The following TMEM192 variants were observed in gnomAD, a reference collection of about 807,000 sequenced individuals.
TMEM192 encodes the protein transmembrane protein 192.
TMEM192 carries 20 observed loss-of-function variants against 26.7 expected under a neutral mutation model. The ratio of observed to expected loss-of-function variants is 0.75; its 90% CI spans 0.53 to 1.09. The LOEUF (loss-of-function observed/expected upper bound fraction) is 1.09, where lower values mean the gene tolerates loss of function less well. Among genes scored for constraint, TMEM192 ranks in the 50% least tolerant of loss-of-function variants. The pLI, the probability that TMEM192 is intolerant of heterozygous loss-of-function variation, is 0.00. For missense variants in TMEM192, 304 were observed against 322.6 expected (o/e 0.94, Z 0.44); for synonymous variants, 124 against 121.0 (o/e 1.02, Z -0.16).
rs953010080 is a variant in TMEM192, at chr4:165,073,262, C to G, written c.*6396G>C. 1 of 152,340 alleles carries G rather than the reference C, an allele frequency of 6.6e-6. No individual in the cohort carries two copies. The highest frequency in any genetic ancestry group is 1.5e-5 in the Non-Finnish European group (1 of 68,210). 9.4% of individuals were successfully genotyped at this position (152,340 alleles called of 1,614,324 possible). On this transcript the variant is annotated 3_prime_UTR_variant, in exon 6 of 6. Transcript: ENST00000306480. ...GATGCTGTTAACCTATAACTTTAGC[C>G]CCAACCCTGTGCTCACAGAAACATG...
chr4:165,103,069 C>G lies in TMEM192; in HGVS notation c.55G>C (p.Glu19Gln). 1 of 1,612,512 alleles carries G rather than the reference C, an allele frequency of 6.2e-7. No homozygotes were observed. Among genetic ancestry groups the G allele is most frequent in the Non-Finnish European group, 8.5e-7 (1 of 1,179,352 alleles). The change falls in exon 2 of 6, where the codon GAA (glutamate) becomes CAA (glutamine). Residue 19 changes from glutamate to glutamine, a missense_variant. Transcript: ENST00000306480. ...TGGGCATCCAGAAGTGGGTCGTCTT[C>G]AATACTCTGGGTGATATCCAAGGAA... ...DGSLDITQSI[E>Q]DDPLLDAQLL...
rs1734401494 is a variant in TMEM192 at position 165,077,148 on chromosome 4, T to C, written c.*2510A>G. 1.3e-5 allele frequency: 2 copies of C among 152,238 alleles called. No individual in the cohort carries two copies. The highest frequency in any genetic ancestry group is 2.4e-5 in the African/African-American group (1 of 41,466). 9.4% of individuals were successfully genotyped at this position (152,238 alleles called of 1,614,324 possible). On this transcript the variant is annotated 3_prime_UTR_variant, in exon 6 of 6. Transcript: ENST00000306480. ...TTTCATTTTCATTTATTGTTTGAAA[T>C]GTTCATCATTGCATTCAGAAAAATG...
At chr4:165,110,405 C>T (rs1735266910) in intron 1 of TMEM192, among the ~76,000 whole-genome samples, 2 of 152,186 alleles carry the variant, frequency 1.3e-5, no homozygotes, top group African/African-American at 2.4e-5. Flanking sequence ...GTGAATCCAA[C>T]TCTTTCCATG....
At chr4:165,097,168 G>A (rs574915317) in intron 3 of TMEM192, among the ~76,000 whole-genome samples, 1 of 152,084 alleles carries the variant, frequency 6.6e-6, no homozygotes, top group Non-Finnish European at 1.5e-5. Context: ...GAATTTCACT[G>A]AGTAGATGAA....
At chr4:165,088,327 G>T in intron 4 of TMEM192, 141 bp downstream of exon 4, 1 of 672,648 alleles carries the variant, frequency 1.5e-6, no homozygotes, top group Non-Finnish European at 2.3e-6. Flanking sequence ...CTTCCTGTTG[G>T]TTTGAAATTA....
intron 3 of TMEM192, among the ~76,000 whole-genome samples, chr4:165,093,679 G>GT (rs1412980885): frequency 2.0e-5 from 3 of 152,088 alleles, no homozygotes; most frequent in African/African-American, 7.2e-5. Context: ...CTCCTTATCA[G>GT]TTTTGTGCTA....
intron 3 of TMEM192, among the ~76,000 whole-genome samples, chr4:165,097,666 G>A (rs11725200): frequency 0.014 from 2,097 of 148,128 alleles, 30 homozygotes; most frequent in African/African-American, 0.036. Context: ...CTAGGCTGGA[G>A]TGTGGTGCAT....
In TMEM192 at chr4:165,088,486, A is replaced by T; in HGVS notation, c.556T>A (p.Cys186Ser). 1 of 1,613,636 alleles carries T rather than the reference A, an allele frequency of 6.2e-7. No individual in the cohort carries two copies. The highest frequency in any genetic ancestry group is 1.1e-5 in the South Asian group (1 of 90,936). The change falls in exon 4 of 6, where the codon TGT becomes AGT. Residue 186 changes from cysteine (C) to serine (S), a missense_variant. Cys to Ser is a moderately radical substitution (Grantham distance 112). Coordinates refer to ENST00000306480, the MANE Select transcript of TMEM192 (RefSeq NM_001100389.2). ...TTCTCACCTGTGTAAATGAGGAGAC[A>T]TATCAGGGAACAGATGAGTTCCAGT... ...LALELICSLI[C>S]LLIYTVKIRR...
chr4:165,085,788 G>A (rs1734600638), intron 4 of TMEM192, 100 bp from the exon 5 acceptor site: 1 of 825,818 alleles, frequency 1.2e-6, no homozygotes, highest in African/African-American at 1.7e-5. Flanking sequence ...ACGTCCTTGA[G>A]TATTTCAAAT....
chr4:165,085,767 C>A, intron 4 of TMEM192, 79 bp from the exon 5 acceptor site: 1 of 1,064,726 alleles, frequency 9.4e-7, no homozygotes, highest in South Asian at 1.4e-5. Flanking sequence ...GCTAATTTGC[C>A]GTTCTTATTA....
chr4:165,098,440 TAAAA>T (rs1734965588), intron 3 of TMEM192, among the ~76,000 whole-genome samples: 1 of 151,034 alleles, frequency 6.6e-6, no homozygotes. Flanking sequence ...TTTTTTTTTT[TAAAA>T]CTTAACTTGG....
In TMEM192 at chr4:165,088,547, G is replaced by T. The variant is rs1259289878; in HGVS notation, c.495C>A (p.Gly165=). The part of the protein sequence containing the change: ...LCMQHSFPEP[G]RLYLDLILAI... The stretch of plus-strand genomic sequence containing the variant: ...CCAGAATGAGGTCAAGATACAATCT[G>T]CCAGGCTCTGGGAAGGAGTGCTGCA... The change falls in exon 4 of 6, where the codon GGC becomes GGA. Residue 165 remains glycine, a synonymous_variant. Transcript: ENST00000306480. 35 of 1,613,406 alleles carry T rather than the reference G, an allele frequency of 2.2e-5. No individual in the cohort carries two copies. The highest frequency in any genetic ancestry group is 2.8e-5 in the Non-Finnish European group (33 of 1,179,766).
chr4:165,096,006 A>G (rs1443939281), intron 3 of TMEM192, among the ~76,000 whole-genome samples: 1 of 147,870 alleles, frequency 6.8e-6, no homozygotes, highest in Non-Finnish European at 1.5e-5. Flanking sequence ...CATGTTGGCC[A>G]GGCCTGTCTT....
At chr4:165,104,311 G>A (rs1033768481) in intron 1 of TMEM192, among the ~76,000 whole-genome samples, 3 of 152,128 alleles carry the variant, frequency 2.0e-5, no homozygotes, top group Non-Finnish European at 4.4e-5. Context: ...ACTACAATGA[G>A]ACAGAAATGA....
At chr4:165,108,838 G>A (rs761782690) in intron 1 of TMEM192, among the ~76,000 whole-genome samples, 6 of 152,030 alleles carry the variant, frequency 3.9e-5, no homozygotes, top group Admixed American at 6.6e-5. Flanking sequence ...CAGTTACCTC[G>A]ATCTCCTAGA....
chr4:165,085,632 TTTC>T lies in TMEM192; in HGVS notation c.628_630del (p.Glu210del), dbSNP rs747653581. On this transcript the variant is annotated inframe_deletion, in exon 5 of 6. Coordinates refer to ENST00000306480, the MANE Select transcript of TMEM192 (RefSeq NM_001100389.2). ...ATATTGCTGGGGTAAGCATAGATTT[TTTC>T]TTCTTCAAGTATATCAGGCTCTGGT... The T allele has an allele frequency of 6.2e-7, 1 of 1,613,144 alleles. No individual in the cohort carries two copies. The highest frequency in any genetic ancestry group is 1.7e-5 in the Admixed American group (1 of 59,906).
intron 1 of TMEM192, among the ~76,000 whole-genome samples, chr4:165,111,909 C>A (rs776464388): frequency 1.3e-5 from 2 of 152,120 alleles, no homozygotes. Context: ...CTTTGCATTT[C>A]TCAAGAGCAA....
chr4:165,109,749 A>G (rs1188221389), intron 1 of TMEM192, among the ~76,000 whole-genome samples: 2 of 152,200 alleles, frequency 1.3e-5, no homozygotes. Flanking sequence ...TGTCACTTTC[A>G]TGCACCTTCT....
At chr4:165,112,276 G>A (rs1363406851) in intron 1 of TMEM192, among the ~76,000 whole-genome samples, 1 of 152,194 alleles carries the variant, frequency 6.6e-6, no homozygotes, top group Non-Finnish European at 1.5e-5. Context: ...CAAGTCCACA[G>A]CCTCTAGAGC....
Sources: allele counts gnomAD v4.1 joint callset (sites outside exome capture counted in the v4.1 genomes callset), GRCh38; gene constraint gnomAD v4.1.1; transcripts MANE v1.5; gene names NCBI Gene and HGNC (gene_info 2026-07-23, HGNC 2026-07-21).